KCTD15: variants seen among roughly 807,000 people sequenced by gnomAD.
KCTD15 encodes the protein BTB/POZ domain-containing protein KCTD15.
Under a neutral mutation model 27.2 loss-of-function variants are expected in KCTD15, and 11 were observed. The ratio of observed to expected loss-of-function variants is 0.41; its 90% CI spans 0.25 to 0.67. The LOEUF (loss-of-function observed/expected upper bound fraction) is 0.67. Among genes scored for constraint, KCTD15 ranks in the 30% least tolerant of loss-of-function variants. KCTD15 has a pLI of 0.35. For synonymous variants in KCTD15, 163 were observed against 176.0 expected, an observed-to-expected ratio of 0.93 and a Z score of 0.58; for missense variants, 350 against 409.3, an observed-to-expected ratio of 0.86 and a Z score of 1.25.
In KCTD15 at chr19:33,806,848, G is replaced by A. The variant is rs200767027; in HGVS notation, c.243-15G>A. On this transcript the variant is annotated splice_polypyrimidine_tract_variant and intron_variant, in intron 4 of 6. Coordinates refer to ENST00000683859, the MANE Select transcript of KCTD15 (RefSeq NM_001129994.2). ...CCCATCCCTTCAGACATCCCACCTCGCCTGTCTCTCCCAGGATAAGCCGCC... is the reference window on the plus strand; with the variant it reads ...CCCATCCCTTCAGACATCCCACCTCACCTGTCTCTCCCAGGATAAGCCGCC... The A allele has an allele frequency of 5.1e-4, 820 of 1,612,212 alleles. No individual in the cohort carries two copies. The highest frequency in any genetic ancestry group is 6.6e-4 in the Middle Eastern group (4 of 6,032).
At position 33,812,994 on chromosome 19, in the gene KCTD15, A is replaced by G; in HGVS notation, c.*46A>G. On this transcript the variant is annotated 3_prime_UTR_variant, in exon 7 of 7. Transcript: ENST00000683859. ...TGGGCCCCCCCAGGGACCTGGAAAC[A>G]GTGCTGGGGAGTTCTGCCTGTGTAT... 6.7e-7 allele frequency: 1 copy of G among 1,501,322 alleles called. No homozygotes were observed. Among genetic ancestry groups the G allele is most frequent in the Non-Finnish European group, 8.9e-7 (1 of 1,117,490 alleles). The allele number at this position is 1,501,322 out of a possible 1,614,324, so 93.0% of individuals were successfully genotyped here.
rs1975733013 is a variant in KCTD15 at position 33,807,019 on chromosome 19, G to A, written c.387+12G>A. ...CGGATGACTTTAAGGTAAGTCCATGGCTGGTGGCCCCCCTGCACTGCCTGT... is the reference window on the plus strand; with the variant it reads ...CGGATGACTTTAAGGTAAGTCCATGACTGGTGGCCCCCCTGCACTGCCTGT... On this transcript the variant is annotated intron_variant, in intron 5 of 6. Coordinates refer to ENST00000683859, the MANE Select transcript of KCTD15 (RefSeq NM_001129994.2). 2 of 1,612,918 alleles carry A rather than the reference G, an allele frequency of 1.2e-6. No individual in the cohort carries two copies. The highest frequency in any genetic ancestry group is 1.7e-6 in the Non-Finnish European group (2 of 1,179,502).
In KCTD15 at chr19:33,812,214, C is replaced by G. The variant is rs13343785; in HGVS notation, c.694-576C>G. Reference sequence around the variant, plus strand: ...GTTACACGCAGTCATCAGACCTCACCCTCACAGAGGCACAAACCCACATAG... The same window carrying G: ...GTTACACGCAGTCATCAGACCTCACGCTCACAGAGGCACAAACCCACATAG... On this transcript the variant is annotated intron_variant, in intron 6 of 6. Coordinates refer to ENST00000683859, the MANE Select transcript of KCTD15 (RefSeq NM_001129994.2). 1.7e-4 allele frequency: 184 copies of G among 1,075,386 alleles called. No individual in the cohort carries two copies. In the African/African-American group the frequency reaches 3.0e-3, roughly 17 times the overall value. The allele number at this position is 1,075,386 out of a possible 1,614,324, so 66.6% of individuals were successfully genotyped here.
chr19:33,805,373 C>G (rs922521550), intron 4 of KCTD15, among the ~76,000 whole-genome samples: 2 of 152,188 alleles, frequency 1.3e-5, no homozygotes, highest in African/African-American at 4.8e-5. Context: ...TGAGGGCAGA[C>G]TTGGGGGCTC....
intron 3 of KCTD15, 22 bp downstream of exon 3, chr19:33,800,542 G>C: frequency 6.4e-7 from 1 of 1,567,512 alleles, no homozygotes; most frequent in Non-Finnish European, 8.7e-7. Flanking sequence ...GGGTGGGCTG[G>C]GTCCCTGCCG....
At chr19:33,794,913 A>C (rs1225918631), upstream of KCTD15, among the ~76,000 whole-genome samples, 2 of 152,132 alleles carry the variant, frequency 1.3e-5, no homozygotes, top group East Asian at 3.9e-4. Context: ...ACGCGCAGAG[A>C]GCGCGCTGCT....
Position 33,800,480 on chromosome 19 carries a change from G to A in KCTD15, c.26G>A (p.Ser9Asn), listed in dbSNP as rs1429436608. The A allele has an allele frequency of 2.5e-6, 4 of 1,605,404 alleles. No individual in the cohort carries two copies. The African/African-American group carries it at 5.3e-5, about 21-fold the overall frequency. MPHRKERP[S>N]GSSLHTHGST... Reference sequence around the variant, plus strand: ...ATGCCTCACCGCAAGGAGCGGCCGAGCGGGTCCTCGCTTCACACACACGGC... The same window carrying A: ...ATGCCTCACCGCAAGGAGCGGCCGAACGGGTCCTCGCTTCACACACACGGC... The change falls in exon 3 of 7, where the codon AGC (serine) becomes AAC (asparagine). Residue 9 changes from serine to asparagine, a missense_variant. By Grantham distance (46) the Ser-to-Asn change is conservative. Transcript: ENST00000683859.
upstream of KCTD15, chr19:33,796,092 G>A (rs1975310531): frequency 6.6e-6 from 1 of 152,058 alleles, no homozygotes. Flanking sequence ...TGTAACCGAG[G>A]AGTCAAGAAA....
rs1366540666 is a variant in KCTD15, at chr19:33,807,067, G to A, written c.387+60G>A. The A allele has an allele frequency of 2.8e-5, 44 of 1,544,100 alleles. 1 individual carries two copies. Among genetic ancestry groups the A allele is most frequent in the Middle Eastern group, 4.1e-4 (2 of 4,832 alleles). The stretch of plus-strand genomic sequence containing the variant: ...TGTGTGATGGCATTACACAGGGGAC[G>A]CTGTGACTTAATAAGTGGACCCCTG... On this transcript the variant is annotated intron_variant, in intron 5 of 6. Transcript: ENST00000683859.
rs1599664623 is a variant in KCTD15 at position 33,797,267 on chromosome 19, TGTG to T, written c.-127+281_-127+283del. The T allele has an allele frequency of 2.3e-5, 7 of 301,068 alleles. No individual in the cohort carries two copies. In the East Asian group the frequency reaches 6.0e-4, roughly 26 times the overall value. 18.6% of individuals were successfully genotyped at this position (301,068 alleles called of 1,614,324 possible). A position where few individuals can be genotyped will look rare whatever the true frequency, so the allele number is the denominator to read the frequency against. ...CGCGCGGTGTGTGTGTGTGTGTGTGTGTGTGTGTGTGTGTGTGCGCGCGCGCGC... is the reference window on the plus strand; with the variant it reads ...CGCGCGGTGTGTGTGTGTGTGTGTGTTGTGTGTGTGTGTGCGCGCGCGCGC... On this transcript the variant is annotated intron_variant, in intron 1 of 6. Transcript: ENST00000683859.
rs1549191 is a variant in KCTD15 at position 33,814,790 on chromosome 19, A to T, written c.*1842A>T. The T allele has an allele frequency of 6.6e-6, 1 of 152,178 alleles. No individual in the cohort carries two copies. Among genetic ancestry groups the T allele is most frequent in the Admixed American group, 6.5e-5 (1 of 15,276 alleles). The allele number at this position is 152,178 out of a possible 1,614,324, so 9.4% of individuals were successfully genotyped here. ...TTTTGCATTTTTTCTCAAAGCCCTT[A>T]TGTTCTAACCCATGAGAACCATTTT... On this transcript the variant is annotated 3_prime_UTR_variant, in exon 7 of 7. Coordinates refer to ENST00000683859, the MANE Select transcript of KCTD15 (RefSeq NM_001129994.2).
At position 33,814,639 on chromosome 19, in the gene KCTD15, C is replaced by T. The variant is rs1048704466; in HGVS notation, c.*1691C>T. 1.3e-5 allele frequency: 2 copies of T among 152,202 alleles called. No individual in the cohort carries two copies. Among genetic ancestry groups the T allele is most frequent in the African/African-American group, 4.8e-5 (2 of 41,442 alleles). 9.4% of individuals were successfully genotyped at this position (152,202 alleles called of 1,614,324 possible). ...TATGAGAAGGTGGCAGGCAGTGGCTCAGCCAGCCAGGGGGCACCAAGTCAT... is the reference window on the plus strand; with the variant it reads ...TATGAGAAGGTGGCAGGCAGTGGCTTAGCCAGCCAGGGGGCACCAAGTCAT... On this transcript the variant is annotated 3_prime_UTR_variant, in exon 7 of 7. Transcript: ENST00000683859.
rs1285946789 is a variant in KCTD15 at position 33,813,163 on chromosome 19, T to C, written c.*215T>C. Reference sequence around the variant, plus strand: ...AAGGACTGTTGATGCGACCCAAAGATACAGCGGTGGGATCTCTGCTGCCAG... The same window carrying C: ...AAGGACTGTTGATGCGACCCAAAGACACAGCGGTGGGATCTCTGCTGCCAG... On this transcript the variant is annotated 3_prime_UTR_variant, in exon 7 of 7. Transcript: ENST00000683859. The C allele has an allele frequency of 1.6e-6, 1 of 626,564 alleles. No homozygotes were observed. The highest frequency in any genetic ancestry group is 2.6e-5 in the Admixed American group (1 of 39,136). 38.8% of individuals were successfully genotyped at this position (626,564 alleles called of 1,614,324 possible).
chr19:33,801,392 T>C (rs761646636), intron 4 of KCTD15, 50 bp downstream of exon 4: 1 of 1,488,692 alleles, frequency 6.7e-7, no homozygotes. Context: ...CAGGGCAGCA[T>C]CTGTAATCTG....
upstream of KCTD15, among the ~76,000 whole-genome samples, chr19:33,795,445 AC>A (rs1470930991): frequency 6.7e-6 from 1 of 149,566 alleles, no homozygotes; most frequent in African/African-American, 2.5e-5. Context: ...AGCGCCCCCC[AC>A]CCCGGGAGTG....
intron 5 of KCTD15, 64 bp from the exon 6 acceptor site, chr19:33,811,183 C>CG: frequency 7.2e-6 from 6 of 833,772 alleles, no homozygotes; most frequent in Non-Finnish European, 1.1e-5. Flanking sequence ...CGCCTCCCCT[C>CG]TCCCCCTTCC....
chr19:33,800,887 C>T (rs1975515440), intron 3 of KCTD15, among the ~76,000 whole-genome samples: 1 of 152,076 alleles, frequency 6.6e-6, no homozygotes, highest in South Asian at 2.1e-4. Context: ...TGTTTTATGC[C>T]CCTGGAGGCT....
In KCTD15 at chr19:33,804,185, G is replaced by C. The variant is rs912711181; in HGVS notation, c.243-2678G>C. Among the ~76,000 whole-genome samples, 8 of 152,242 alleles carry C rather than the reference G, an allele frequency of 5.3e-5. No individual in the cohort carries two copies. The South Asian group carries it at 8.3e-4, about 16-fold the overall frequency. ...CACGTCCTTGGCAGCCTCAGACGCT[G>C]AGGGCATGAAAGGCCTCTGTCCTGG... On this transcript the variant is annotated intron_variant, in intron 4 of 6. Transcript: ENST00000683859.
At position 33,815,373 on chromosome 19, in the gene KCTD15, C is replaced by A. The variant is rs1293087758; in HGVS notation, c.*2425C>A. 6.6e-6 allele frequency: 1 copy of A among 151,970 alleles called. No homozygotes were observed. Among genetic ancestry groups the A allele is most frequent in the Non-Finnish European group, 1.5e-5 (1 of 68,032 alleles). 9.4% of individuals were successfully genotyped at this position (151,970 alleles called of 1,614,324 possible). A position where few individuals can be genotyped will look rare whatever the true frequency, so the allele number is the denominator to read the frequency against. ...ATGCTATAATTCTAATATATCTAGT[C>A]CCCATAAACAGTAAGTACAAATTAT... On this transcript the variant is annotated 3_prime_UTR_variant, in exon 7 of 7. Transcript: ENST00000683859.
Sources: allele counts gnomAD v4.1 joint callset (sites outside exome capture counted in the v4.1 genomes callset), GRCh38; gene constraint gnomAD v4.1.1; transcripts MANE v1.5; gene names NCBI Gene and HGNC (gene_info 2026-07-23, HGNC 2026-07-21).